ANKRD50: variants seen among roughly 807,000 people sequenced by gnomAD.
ANKRD50 encodes ankyrin repeat domain-containing protein 50.
In ANKRD50, 40 loss-of-function variants were observed where a neutral mutation model predicts 112.0. The ratio of observed to expected loss-of-function variants is 0.36; its 90% confidence interval spans 0.28 to 0.46. ANKRD50 has a LOEUF of 0.46. ANKRD50 is among the 20% of genes least tolerant of loss of function. The pLI, the probability that ANKRD50 is intolerant of heterozygous loss-of-function variation, is 1.00. For missense variants in ANKRD50, 1,487 were observed against 1,701.7 expected, an observed-to-expected ratio of 0.87 and a Z score of 2.22; for synonymous variants, 613 against 619.1, an observed-to-expected ratio of 0.99 and a Z score of 0.15.
intron 2 of ANKRD50, among the ~76,000 whole-genome samples, chr4:124,687,185 G>C (rs1185334718): frequency 6.6e-6 from 1 of 152,164 alleles, no homozygotes; most frequent in African/African-American, 2.4e-5. Flanking sequence ...TCTGGAAACA[G>C]AGCAGCATAA....
At position 124,670,196 on chromosome 4, in the gene ANKRD50, C is replaced by T. The variant is rs1730604035; in HGVS notation, c.3081G>A (p.Val1027=). Residue 1027 remains valine (V), a synonymous_variant, in exon 4 of 5, where the codon GTG becomes GTA. Coordinates refer to ENST00000504087, the MANE Select transcript of ANKRD50 (RefSeq NM_020337.3). ...CACCATGCTCAATCAGAAGCTGAAC[C>T]ACTTTTACATGGCCCTGCCAGGCTG... The part of the protein sequence containing the change: ...QSAAWQGHVK[V]VQLLIEHGAV... 1 of 1,612,456 alleles carries T rather than the reference C, an allele frequency of 6.2e-7. No individual in the cohort carries two copies. Among genetic ancestry groups the T allele is most frequent in the South Asian group, 1.1e-5 (1 of 90,774 alleles).
At chr4:124,701,806 C>T (rs1373515514) in intron 2 of ANKRD50, among the ~76,000 whole-genome samples, 1 of 151,652 alleles carries the variant, frequency 6.6e-6, no homozygotes, top group Non-Finnish European at 1.5e-5. Flanking sequence ...GCAACCACAC[C>T]CAGCCAAAGA....
At chr4:124,711,575 C>T (rs1477837666) in intron 1 of ANKRD50, among the ~76,000 whole-genome samples, 1 of 152,082 alleles carries the variant, frequency 6.6e-6, no homozygotes, top group African/African-American at 2.4e-5. Context: ...CAGTAACACC[C>T]TTAACTCCAG....
chr4:124,687,043 A>G (rs915903860), intron 2 of ANKRD50, among the ~76,000 whole-genome samples: 1 of 152,218 alleles, frequency 6.6e-6, no homozygotes, highest in Non-Finnish European at 1.5e-5. Flanking sequence ...AAATACTAAA[A>G]TAACGGAAAT....
At chr4:124,686,999 G>A (rs1288107232) in intron 2 of ANKRD50, among the ~76,000 whole-genome samples, 2 of 152,100 alleles carry the variant, frequency 1.3e-5, no homozygotes, top group African/African-American at 4.8e-5. Context: ...CCAGTTGTTT[G>A]ACATACGGTA....
At chr4:124,703,508 C>T (rs1452415171) in intron 2 of ANKRD50, among the ~76,000 whole-genome samples, 1 of 152,012 alleles carries the variant, frequency 6.6e-6, no homozygotes, top group Non-Finnish European at 1.5e-5. Context: ...CAAGCTGGCA[C>T]ATGTAAATAC....
intron 2 of ANKRD50, among the ~76,000 whole-genome samples, chr4:124,684,907 G>A (rs2110516164): frequency 6.6e-6 from 1 of 151,944 alleles, no homozygotes; most frequent in Admixed American, 6.6e-5. Context: ...CCCCATTCAG[G>A]ACCTATTTCT....
At chr4:124,694,258 C>T (rs1444133517) in intron 2 of ANKRD50, among the ~76,000 whole-genome samples, 1 of 152,110 alleles carries the variant, frequency 6.6e-6, no homozygotes. Flanking sequence ...ATGTAGAATA[C>T]AATTTGTCTC....
chr4:124,678,821 G>A lies in ANKRD50; in HGVS notation c.597C>T (p.Asn199=). Residue 199 remains asparagine (N), a synonymous_variant, in exon 3 of 5, where the codon AAC becomes AAT. Transcript: ENST00000504087. ...LLVDSVDEGC[N]ITEGEQTSTS... is the part of the protein sequence containing the mutation. Reference sequence around the variant, plus strand: ...TAGACGTTTGTTCACCTTCAGTAATGTTACACCCTTCATCAACAGAATCAA... The same window carrying A: ...TAGACGTTTGTTCACCTTCAGTAATATTACACCCTTCATCAACAGAATCAA... 6.2e-7 allele frequency: 1 copy of A among 1,613,858 alleles called. No individual in the cohort carries two copies. Among genetic ancestry groups the A allele is most frequent in the Non-Finnish European group, 8.5e-7 (1 of 1,179,834 alleles).
At position 124,664,292 on chromosome 4, in the gene ANKRD50, A is replaced by T. The variant is rs1183465772; in HGVS notation, c.*3226T>A. On this transcript the variant is annotated 3_prime_UTR_variant, in exon 5 of 5. Coordinates refer to ENST00000504087, the MANE Select transcript of ANKRD50 (RefSeq NM_020337.3). Reference sequence around the variant, plus strand: ...TCTTTAAAAAGGCTTAGGAAGACATAAACAGTAAATCTTTGTTTTTCTACC... The same window carrying T: ...TCTTTAAAAAGGCTTAGGAAGACATTAACAGTAAATCTTTGTTTTTCTACC... 1.3e-5 allele frequency: 2 copies of T among 151,750 alleles called. No individual in the cohort carries two copies. The highest frequency in any genetic ancestry group is 2.9e-5 in the Non-Finnish European group (2 of 67,828). 9.4% of individuals were successfully genotyped at this position (151,750 alleles called of 1,614,324 possible).
intron 2 of ANKRD50, among the ~76,000 whole-genome samples, chr4:124,698,771 T>C (rs935414830): frequency 2.6e-5 from 4 of 152,170 alleles, no homozygotes; most frequent in Admixed American, 6.5e-5. Context: ...TTTGTTAGGA[T>C]TGTATTGAAT....
At chr4:124,700,733 T>C (rs1458358287) in intron 2 of ANKRD50, among the ~76,000 whole-genome samples, 1 of 152,230 alleles carries the variant, frequency 6.6e-6, no homozygotes. Context: ...AGCTTTCTTC[T>C]GCATCTCTGC....
At position 124,678,656 on chromosome 4, in the gene ANKRD50, CAGTA is replaced by C; in HGVS notation, c.742+16_742+19del. The C allele has an allele frequency of 6.3e-7, 1 of 1,589,850 alleles. No homozygotes were observed. The highest frequency in any genetic ancestry group is 1.1e-5 in the South Asian group (1 of 89,856). ...ATTAATGAAAAGCATTTAAGGATGG[CAGTA>C]AGTAATTATGCTTACCAGTAAACAT... On this transcript the variant is annotated intron_variant, in intron 3 of 4. Coordinates refer to ENST00000504087, the MANE Select transcript of ANKRD50 (RefSeq NM_020337.3).
intron 2 of ANKRD50, among the ~76,000 whole-genome samples, chr4:124,703,341 T>A (rs900676568): frequency 6.6e-6 from 1 of 152,038 alleles, no homozygotes; most frequent in Non-Finnish European, 1.5e-5. Context: ...AAGAAACTGA[T>A]GGGGAAGAGG....
chr4:124,671,931 G>A lies in ANKRD50; in HGVS notation c.1346C>T (p.Pro449Leu), dbSNP rs768305096. Residue 449 changes from proline (P) to leucine (L), a missense_variant, in exon 4 of 5, where the codon CCA becomes CTA. This residue lies in a region of ANKRD50 where 1,046 missense variants were observed against 1,269.5 expected (regional missense o/e 0.82). Transcript: ENST00000504087. ...CAATGCAAATTCTTGTGCTTCCAAT[G>A]GTGTTAAATTCTTGGCTTGACAGGT... ...SYTCQAKNLT[P>L]LEAQEFALHL... is the part of the protein sequence containing the mutation. 3 of 1,613,850 alleles carry A rather than the reference G, an allele frequency of 1.9e-6. No homozygotes were observed. Among genetic ancestry groups the A allele is most frequent in the Non-Finnish European group, 2.5e-6 (3 of 1,179,868 alleles).
rs1043533004 is a variant in ANKRD50, at chr4:124,667,199, A to G, written c.*319T>C. ...TTATGGCACATGCACATTTTTTATC[A>G]CATCTTAACTTAAAATACTCAAATT... On this transcript the variant is annotated 3_prime_UTR_variant, in exon 5 of 5. Transcript: ENST00000504087. 3.3e-5 allele frequency: 5 copies of G among 152,056 alleles called. No homozygotes were observed. The highest frequency in any genetic ancestry group is 7.4e-5 in the Non-Finnish European group (5 of 67,970). 9.4% of individuals were successfully genotyped at this position (152,056 alleles called of 1,614,324 possible). A position where few individuals can be genotyped will look rare whatever the true frequency, so the allele number is the denominator to read the frequency against.
At chr4:124,668,035 T>C (rs1362333912) in intron 4 of ANKRD50, among the ~76,000 whole-genome samples, 1 of 151,916 alleles carries the variant, frequency 6.6e-6, no homozygotes, top group Non-Finnish European at 1.5e-5. Context: ...TTAAGCAAAG[T>C]GGGATAAATA....
At position 124,665,579 on chromosome 4, in the gene ANKRD50, A is replaced by C. The variant is rs999192920; in HGVS notation, c.*1939T>G. 5 of 152,384 alleles carry C rather than the reference A, an allele frequency of 3.3e-5. No homozygotes were observed. The East Asian group carries it at 7.7e-4, about 24-fold the overall frequency. 9.4% of individuals were successfully genotyped at this position (152,384 alleles called of 1,614,324 possible). On this transcript the variant is annotated 3_prime_UTR_variant, in exon 5 of 5. Transcript: ENST00000504087. ...ATGTACTGTATTTGAGATATGAGTA[A>C]AGTTGGTTCTAATAATAGTATGTGT...
At chr4:124,690,348 C>A (rs1010755163) in intron 2 of ANKRD50, among the ~76,000 whole-genome samples, 1 of 152,180 alleles carries the variant, frequency 6.6e-6, no homozygotes, top group African/African-American at 2.4e-5. Context: ...ATTTCCTATA[C>A]TCTTGATAAC....
Sources: gnomAD v4.1 joint callset for allele counts (sites outside exome capture counted in the v4.1 genomes callset) on GRCh38, gnomAD v4.1.1 for gene constraint, gnomAD v4.1.1 regional missense constraint, MANE v1.5 for transcripts, NCBI Gene and HGNC (gene_info 2026-07-23, HGNC 2026-07-21) for gene names.